The following COPA variants were observed in gnomAD, a reference collection of about 807,000 sequenced individuals.
COPA encodes the protein coat protein complex I subunit alpha.
COPA carries 10 observed loss-of-function variants against 158.7 expected under a neutral mutation model. The observed-to-expected ratio is 0.06, with a 90% CI of 0.04 to 0.11. The LOEUF is 0.11. Among genes scored for constraint, COPA ranks in the 10% least tolerant of loss-of-function variants. The probability of loss-of-function intolerance (pLI) is 1.00; values close to 1 mark genes in which losing one functional copy is unlikely to be tolerated. For synonymous variants in COPA, 462 were observed against 542.8 expected (o/e 0.85, Z 2.07); for missense variants, 1,065 against 1,536.7 (o/e 0.69, Z 5.13).
At chr1:160,307,022 C>A in intron 14 of COPA, 141 bp downstream of exon 14, 1 of 805,002 alleles carries the variant, frequency 1.2e-6, no homozygotes, top group South Asian at 1.5e-5. Flanking sequence ...TAGTGTAGGG[C>A]TAGAGACAGA....
chr1:160,325,475 T>A (rs1453796573), intron 7 of COPA, 68 bp downstream of exon 7: 9 of 1,289,450 alleles, frequency 7.0e-6, no homozygotes, highest in Non-Finnish European at 9.0e-6. Context: ...AATGAATAAA[T>A]GAACAACATA....
At chr1:160,307,301 A>C (rs1037018170) in intron 13 of COPA, 56 bp from the exon 14 acceptor site, 165 of 1,529,920 alleles carry the variant, frequency 1.1e-4, no homozygotes, top group Non-Finnish European at 1.4e-4. Flanking sequence ...GGCAGGTGAC[A>C]TAGTCGGGTG....
chr1:160,317,838 T>G (rs1659196493), intron 8 of COPA: 2 of 697,788 alleles, frequency 2.9e-6, no homozygotes, highest in Non-Finnish European at 5.1e-6. Context: ...TAATCTGAAT[T>G]CTAGTGCTCA....
intron 3 of COPA, 25 bp downstream of exon 3, chr1:160,339,884 C>G: frequency 6.3e-7 from 1 of 1,598,480 alleles, no homozygotes; most frequent in Non-Finnish European, 8.6e-7. Context: ...TTCCTTTATT[C>G]TCAGTTATGA....
intron 8 of COPA, 114 bp downstream of exon 8, chr1:160,323,317 C>G: frequency 1.7e-6 from 1 of 573,134 alleles, no homozygotes; most frequent in South Asian, 4.0e-5. Flanking sequence ...CTGGGATTAG[C>G]ATTAATTAAT....
chr1:160,322,081 A>G (rs1174737607), intron 8 of COPA, among the ~76,000 whole-genome samples: 1 of 152,164 alleles, frequency 6.6e-6, no homozygotes, highest in African/African-American at 2.4e-5. Context: ...AAAATATCAA[A>G]GACATTCTTC....
At chr1:160,341,873 T>C (rs1648081428) in intron 1 of COPA, among the ~76,000 whole-genome samples, 1 of 152,234 alleles carries the variant, frequency 6.6e-6, no homozygotes, top group South Asian at 2.1e-4. Flanking sequence ...CCTCAAATAT[T>C]ATGACATCTT....
intron 8 of COPA, among the ~76,000 whole-genome samples, chr1:160,316,614 G>T (rs1378180865): frequency 6.6e-6 from 1 of 151,722 alleles, no homozygotes; most frequent in Non-Finnish European, 1.5e-5. Context: ...GCCGGGTGTG[G>T]TGGTGCATGC....
Position 160,290,551 on chromosome 1 carries a change from G to A in COPA, c.3556C>T (p.Pro1186Ser). The change falls in exon 32 of 33, where the codon CCA becomes TCA. Residue 1186 changes from proline to serine, a missense_variant. This residue lies in a region of COPA where 980 missense variants were observed against 1,357.8 expected (regional missense o/e 0.72). Transcript: ENST00000241704. Reference protein sequence around the residue: ...IYRGKPVEKCPLSGACYSPEF... With the variant: ...IYRGKPVEKCSLSGACYSPEF... The stretch of plus-strand genomic sequence containing the variant: ...GGGGAATAGCAGGCCCCACTGAGTG[G>A]ACACTTTTCTACTGGCTTTCCACGG... The A allele has an allele frequency of 1.9e-6, 3 of 1,614,194 alleles. No individual in the cohort carries two copies. The highest frequency in any genetic ancestry group is 2.5e-6 in the Non-Finnish European group (3 of 1,180,034).
intron 7 of COPA, 59 bp from the exon 8 acceptor site, chr1:160,323,589 A>C: frequency 1.5e-6 from 2 of 1,308,210 alleles, no homozygotes; most frequent in Non-Finnish European, 2.1e-6. Context: ...AAGCAAACCA[A>C]TGAATCAAGC....
Position 160,296,111 on chromosome 1 carries a change from C to T in COPA, c.2302G>A (p.Asp768Asn). 1 of 1,614,202 alleles carries T rather than the reference C, an allele frequency of 6.2e-7. No homozygotes were observed. The highest frequency in any genetic ancestry group is 8.5e-7 in the Non-Finnish European group (1 of 1,180,026). Reference protein sequence around the residue: ...AYLTAATHGLDEEAESLKETF... With the variant: ...AYLTAATHGLNEEAESLKETF... ...TCCTTTAGGCTCTCAGCTTCTTCATCTAAGCCATGGGTAGCAGCTGTGAGA... is the reference window on the plus strand; with the variant it reads ...TCCTTTAGGCTCTCAGCTTCTTCATTTAAGCCATGGGTAGCAGCTGTGAGA... The change falls in exon 22 of 33, where the codon GAT becomes AAT. Residue 768 changes from aspartate to asparagine, a missense_variant. By Grantham distance (23) the Asp-to-Asn change is conservative (BLOSUM62 1). This residue lies in a region of COPA where 980 missense variants were observed against 1,357.8 expected (regional missense o/e 0.72). Coordinates refer to ENST00000241704, the MANE Select transcript of COPA (RefSeq NM_004371.4).
intron 8 of COPA, among the ~76,000 whole-genome samples, chr1:160,318,489 A>AC (rs1659227607): frequency 5.9e-5 from 4 of 67,710 alleles, no homozygotes; most frequent in African/African-American, 9.5e-5. Context: ...AAAAAAAAAA[A>AC]AACAAAAAAA....
intron 6 of COPA, among the ~76,000 whole-genome samples, chr1:160,327,294 T>G (rs1052723455): frequency 2.0e-5 from 3 of 152,090 alleles, no homozygotes; most frequent in African/African-American, 7.2e-5. Flanking sequence ...CCTAGCACTT[T>G]GGGAGGCTGA....
At chr1:160,303,702 T>C (rs1658690653) in intron 17 of COPA, among the ~76,000 whole-genome samples, 1 of 152,164 alleles carries the variant, frequency 6.6e-6, no homozygotes, top group African/African-American at 2.4e-5. Context: ...ACATTGAAAT[T>C]AAGACTGTTC....
intron 17 of COPA, among the ~76,000 whole-genome samples, chr1:160,303,395 T>C (rs1164775786): frequency 6.6e-6 from 1 of 152,176 alleles, no homozygotes; most frequent in African/African-American, 2.4e-5. Context: ...TTTGAAAACA[T>C]GATTTATGTA....
Position 160,291,391 on chromosome 1 carries a change from C to G in COPA, c.3364G>C (p.Ala1122Pro), listed in dbSNP as rs1351885792. Residue 1122 changes from alanine to proline, a missense_variant, in exon 31 of 33, where the codon GCC becomes CCC. Physicochemically the swap from Ala to Pro is conservative, Grantham distance 27 (BLOSUM62 -1). Transcript: ENST00000241704. ...FFKLKNFKTA[A>P]TFARRLLELG... Reference sequence around the variant, plus strand: ...TCTAGTAGGCGCCGAGCAAAGGTGGCAGCTGTCTTGAAGTTCTTGAGCTTG... The same window carrying G: ...TCTAGTAGGCGCCGAGCAAAGGTGGGAGCTGTCTTGAAGTTCTTGAGCTTG... 6 of 1,614,044 alleles carry G rather than the reference C, an allele frequency of 3.7e-6. No individual in the cohort carries two copies. Among genetic ancestry groups the G allele is most frequent in the South Asian group, 3.3e-5 (3 of 91,074 alleles).
chr1:160,299,907 A>G (rs965276193), intron 17 of COPA, among the ~76,000 whole-genome samples: 2 of 152,220 alleles, frequency 1.3e-5, no homozygotes, highest in Non-Finnish European at 2.9e-5. Context: ...CAAAAACTAC[A>G]GTAGAGAAGT....
At chr1:160,324,869 C>G (rs1659441957) in intron 7 of COPA, among the ~76,000 whole-genome samples, 2 of 152,004 alleles carry the variant, frequency 1.3e-5, no homozygotes, top group South Asian at 4.1e-4. Context: ...ACTGTATACC[C>G]TATTTATACA....
Position 160,311,969 on chromosome 1 carries a change from G to C in COPA, c.975C>G (p.Ala325=). Residue 325 remains alanine, a synonymous_variant, in exon 11 of 33, where the codon GCC becomes GCG. Coordinates refer to ENST00000241704, the MANE Select transcript of COPA (RefSeq NM_004371.4). ...GTAGCATATTGCCATGAACAGCATA[G>C]GCTGGCCGTTCCCGTTCCAGCTTAA... ...IVFKLERERP[A]YAVHGNMLHY... The C allele has an allele frequency of 6.2e-7, 1 of 1,614,036 alleles. No individual in the cohort carries two copies. The highest frequency in any genetic ancestry group is 8.5e-7 in the Non-Finnish European group (1 of 1,179,972).
Sources: gnomAD v4.1 joint callset for allele counts (sites outside exome capture counted in the v4.1 genomes callset) on GRCh38, gnomAD v4.1.1 for gene constraint, gnomAD v4.1.1 regional missense constraint, MANE v1.5 for transcripts, NCBI Gene and HGNC (gene_info 2026-07-23, HGNC 2026-07-21) for gene names.